The following TEX14 variants were observed in gnomAD, a reference collection of about 807,000 sequenced individuals.
TEX14 encodes the protein inactive serine/threonine-protein kinase TEX14.
A neutral mutation model predicts 178.6 loss-of-function variants in TEX14; 168 were observed. The ratio of observed to expected loss-of-function variants is 0.94; its 90% CI spans 0.83 to 1.07. The LOEUF is 1.07. Ranked by LOEUF, TEX14 falls within the 50% of genes least tolerant of loss-of-function variation. The pLI is 0.00. For synonymous variants in TEX14, 626 were observed against 634.1 expected (o/e 0.99, Z 0.19); for missense variants, 1,730 against 1,753.6 (o/e 0.99, Z 0.24).
chr17:58,633,175 C>G (rs555878715), intron 2 of TEX14, among the ~76,000 whole-genome samples: 10 of 152,278 alleles, frequency 6.6e-5, no homozygotes, highest in African/African-American at 2.4e-4. Context: ...GGATTCTCCT[C>G]TCAACCTCTA....
At chr17:58,557,925 G>C in intron 30 of TEX14, 75 bp from the exon 31 acceptor site, 1 of 1,110,096 alleles carries the variant, frequency 9.0e-7, no homozygotes, top group Non-Finnish European at 1.4e-6. Flanking sequence ...ATTCATATTA[G>C]TGCTCCCTCT....
At chr17:58,676,992 G>T (rs907657612) in intron 1 of TEX14, among the ~76,000 whole-genome samples, 1 of 151,626 alleles carries the variant, frequency 6.6e-6, no homozygotes, top group African/African-American at 2.4e-5. Flanking sequence ...TGTGGCGGGT[G>T]CCTGTAATCC....
At chr17:58,591,212 A>G (rs1055955274) in intron 15 of TEX14, among the ~76,000 whole-genome samples, 1 of 152,184 alleles carries the variant, frequency 6.6e-6, no homozygotes, top group African/African-American at 2.4e-5. Flanking sequence ...TCATAGGAAT[A>G]AAATCCACTG....
chr17:58,667,490 C>T (rs2047233504), intron 1 of TEX14, among the ~76,000 whole-genome samples: 1 of 152,294 alleles, frequency 6.6e-6, no homozygotes, highest in Middle Eastern at 3.4e-3. Context: ...CTAACATCTA[C>T]TGTTTACCAT....
At chr17:58,570,298 G>A in intron 25 of TEX14, 87 bp downstream of exon 25, 1 of 804,498 alleles carries the variant, frequency 1.2e-6, no homozygotes, top group Non-Finnish European at 1.8e-6. Flanking sequence ...ATTTCTGTCT[G>A]AACCTAATGT....
rs1245622122 is a variant in TEX14 at position 58,651,881 on chromosome 17, T to G, written c.121A>C (p.Lys41Gln). The change falls in exon 2 of 32, where the codon AAA becomes CAA. Residue 41 changes from lysine to glutamine, a missense_variant. This residue lies in a region of TEX14 where 789 missense variants were observed against 681.2 expected (regional missense o/e 1.16). Coordinates refer to ENST00000349033, the MANE Select transcript of TEX14 (RefSeq NM_031272.5). ...TGGTGCTTACCTTTCTTAAGAATTTTCTTCACTTTCACATAGTTCCCTTGT... is the reference window on the plus strand; with the variant it reads ...TGGTGCTTACCTTTCTTAAGAATTTGCTTCACTTTCACATAGTTCCCTTGT... ...VKQGNYVKVK[K>Q]ILKKGIYVDA... is the part of the protein sequence containing the mutation. The G allele has an allele frequency of 1.2e-6, 2 of 1,605,938 alleles. No homozygotes were observed. The highest frequency in any genetic ancestry group is 1.7e-6 in the Non-Finnish European group (2 of 1,178,080).
chr17:58,571,863 G>A, intron 24 of TEX14, 58 bp downstream of exon 24: 3 of 1,487,194 alleles, frequency 2.0e-6, no homozygotes, highest in Non-Finnish European at 2.8e-6. Context: ...GGCAGTTTGG[G>A]TCACTGGGCC....
At chr17:58,592,696 G>A (rs1041363231) in intron 15 of TEX14, among the ~76,000 whole-genome samples, 2 of 151,382 alleles carry the variant, frequency 1.3e-5, no homozygotes, top group East Asian at 1.9e-4. Flanking sequence ...CCGCCACCAC[G>A]CCCGGCTAAT....
chr17:58,689,203 A>C (rs2047651492), intron 1 of TEX14, among the ~76,000 whole-genome samples: 1 of 150,280 alleles, frequency 6.7e-6, no homozygotes, highest in African/African-American at 2.5e-5. Flanking sequence ...GCTGTGAAAC[A>C]GGCGTGAGAC....
At chr17:58,559,653 C>T (rs2144321604) in intron 29 of TEX14, 91 bp from the exon 30 acceptor site, 1 of 704,630 alleles carries the variant, frequency 1.4e-6, no homozygotes, top group African/African-American at 1.8e-5. Flanking sequence ...ACAACAACAA[C>T]AACAACAACA....
intron 1 of TEX14, among the ~76,000 whole-genome samples, chr17:58,674,966 C>CCACAGGCTTGTTGCTT (rs1335113520): frequency 6.6e-6 from 1 of 151,266 alleles, no homozygotes; most frequent in Admixed American, 6.6e-5. Context: ...GCCAACATGA[C>CCACAGGCTTGTTGCTT]GAAACCCCAT....
intron 25 of TEX14, 57 bp downstream of exon 25, chr17:58,570,328 C>T: frequency 7.2e-6 from 8 of 1,108,824 alleles, no homozygotes; most frequent in East Asian, 2.9e-5. Flanking sequence ...GATTGATAAG[C>T]ATCAATTTAA....
intron 30 of TEX14, 34 bp from the exon 31 acceptor site, chr17:58,557,884 A>T: frequency 6.4e-7 from 1 of 1,570,502 alleles, no homozygotes; most frequent in Non-Finnish European, 8.7e-7. Context: ...AAAAAACAAC[A>T]TGATTAATTT....
intron 2 of TEX14, among the ~76,000 whole-genome samples, chr17:58,647,418 G>C (rs2143208981): frequency 6.7e-6 from 1 of 150,298 alleles, no homozygotes; most frequent in South Asian, 2.1e-4. Flanking sequence ...TGTAGTCCCA[G>C]CTACTCGGGA....
At chr17:58,666,458 C>CAAACAAAAAAAA (rs1555583923) in intron 1 of TEX14, 18 of 36,816 alleles carry the variant, frequency 4.9e-4, no homozygotes, top group Non-Finnish European at 7.9e-4. Context: ...CCTTCCACGG[C>CAAACAAAAAAAA]AAAAAAAAAA....
intron 2 of TEX14, among the ~76,000 whole-genome samples, chr17:58,641,476 C>CTCT (rs1323294753): frequency 2.3e-5 from 3 of 132,330 alleles, no homozygotes; most frequent in African/African-American, 3.0e-5. Context: ...TCTTTTCTTT[C>CTCT]TTTCTCTTTT....
chr17:58,587,702 G>A (rs755816796), intron 16 of TEX14, 36 bp from the exon 17 acceptor site: 51 of 1,457,388 alleles, frequency 3.5e-5, no homozygotes, highest in South Asian at 4.7e-5. Context: ...TAGGGGGAGC[G>A]GGGTGGACAC....
chr17:58,661,558 G>A (rs4340382), intron 1 of TEX14: 89,699 of 750,612 alleles, frequency 0.12, 8,390 homozygotes, highest in African/African-American at 0.29. Flanking sequence ...ACAGCTCGGG[G>A]AGCCGCGGCG....
chr17:58,619,796 CAAAAAAAAAAAA>C (rs71367606), intron 5 of TEX14, among the ~76,000 whole-genome samples: 2 of 73,812 alleles, frequency 2.7e-5, no homozygotes, highest in Non-Finnish European at 5.1e-5. Context: ...GACTCAGTCT[CAAAAAAAAAAAA>C]AAAAAAAAGG....
Sources: gnomAD v4.1 joint callset for allele counts (sites outside exome capture counted in the v4.1 genomes callset) on GRCh38, gnomAD v4.1.1 for gene constraint, gnomAD v4.1.1 regional missense constraint, MANE v1.5 for transcripts, NCBI Gene and HGNC (gene_info 2026-07-23, HGNC 2026-07-21) for gene names.